Variants in DNAJC13 observed in about 807,000 individuals in gnomAD.
DNAJC13 encodes dnaJ homolog subfamily C member 13.
Under a neutral mutation model 290.5 loss-of-function variants are expected in DNAJC13, and 75 were observed. That is an observed-to-expected ratio of 0.26 (90% CI 0.21 to 0.31). DNAJC13 has a LOEUF of 0.31. Ranked by LOEUF, DNAJC13 falls within the 10% of genes least tolerant of loss-of-function variation. The probability of loss-of-function intolerance (pLI) is 1.00; values close to 1 mark genes in which losing one functional copy is unlikely to be tolerated. For synonymous variants in DNAJC13, 862 were observed against 892.0 expected, an observed-to-expected ratio of 0.97 and a Z score of 0.60; for missense variants, 2,260 against 2,674.5, an observed-to-expected ratio of 0.85 and a Z score of 3.42.
At chr3:132,463,239 A>T (rs1012508234) in intron 16 of DNAJC13, among the ~76,000 whole-genome samples, 9 of 152,242 alleles carry the variant, frequency 5.9e-5, no homozygotes, top group African/African-American at 1.9e-4. Flanking sequence ...CTGTAAATAT[A>T]TATAGGCATT....
rs754046796 is a variant in DNAJC13 at position 132,502,335 on chromosome 3, T to C, written c.4583T>C (p.Phe1528Ser). 2 of 1,614,020 alleles carry C rather than the reference T, an allele frequency of 1.2e-6. No homozygotes were observed. Among genetic ancestry groups the C allele is most frequent in the Admixed American group, 1.7e-5 (1 of 60,006 alleles). ...AALGVECVSS[F>S]AVDFWLQTHL... is the part of the protein sequence containing the mutation. Reference sequence around the variant, plus strand: ...CTTGGGGTAGAATGTGTCAGTTCTTTTGCTGTGGATTTCTGGCTACAGACA... The same window carrying C: ...CTTGGGGTAGAATGTGTCAGTTCTTCTGCTGTGGATTTCTGGCTACAGACA... The change falls in exon 40 of 56, where the codon TTT becomes TCT. Residue 1528 changes from phenylalanine (F) to serine (S), a missense_variant. Phe to Ser is a radical substitution (Grantham distance 155). Transcript: ENST00000260818.
At chr3:132,457,476 C>A in intron 13 of DNAJC13, 108 bp downstream of exon 13, 1 of 867,864 alleles carries the variant, frequency 1.2e-6, no homozygotes, top group Non-Finnish European at 1.8e-6. Flanking sequence ...GTTTCTGTTT[C>A]ATAAATTGTT....
At chr3:132,507,386 C>T in intron 43 of DNAJC13, 33 bp downstream of exon 43, 1 of 1,215,798 alleles carries the variant, frequency 8.2e-7, no homozygotes, top group South Asian at 1.2e-5. Flanking sequence ...TACCTGATAC[C>T]TTTGATCATT....
At chr3:132,431,314 T>C (rs1939232516) in intron 1 of DNAJC13, among the ~76,000 whole-genome samples, 1 of 152,030 alleles carries the variant, frequency 6.6e-6, no homozygotes, top group African/African-American at 2.4e-5. Context: ...CATTAGAATG[T>C]GGAAAGTGCT....
chr3:132,491,761 C>G (rs183987612), intron 32 of DNAJC13, among the ~76,000 whole-genome samples: 176 of 152,164 alleles, frequency 1.2e-3, no homozygotes, highest in African/African-American at 4.1e-3. Context: ...AATTACTGAC[C>G]CTCGTCAGAC....
intron 2 of DNAJC13, among the ~76,000 whole-genome samples, chr3:132,445,349 G>T (rs1933211308): frequency 6.6e-6 from 1 of 151,748 alleles, no homozygotes; most frequent in Non-Finnish European, 1.5e-5. Flanking sequence ...TTACCTAATT[G>T]GTCACGGTGT....
intron 16 of DNAJC13, among the ~76,000 whole-genome samples, chr3:132,462,944 T>TA (rs1933850981): frequency 6.6e-6 from 1 of 152,222 alleles, no homozygotes; most frequent in South Asian, 2.1e-4. Context: ...AGCATATTTG[T>TA]AATTGAGCTC....
chr3:132,425,164 C>A (rs1488574738), intron 1 of DNAJC13, among the ~76,000 whole-genome samples: 1 of 152,074 alleles, frequency 6.6e-6, no homozygotes, highest in African/African-American at 2.4e-5. Flanking sequence ...CTATCTATTA[C>A]TCTTATTAGT....
intron 54 of DNAJC13, among the ~76,000 whole-genome samples, chr3:132,530,383 A>C (rs1936383423): frequency 2.6e-5 from 4 of 152,222 alleles, no homozygotes; most frequent in Admixed American, 2.6e-4. Flanking sequence ...ATGTTTTGTC[A>C]CACAGAAATG....
At chr3:132,515,441 A>AT (rs926824620) in intron 46 of DNAJC13, among the ~76,000 whole-genome samples, 7 of 149,178 alleles carry the variant, frequency 4.7e-5, no homozygotes, top group African/African-American at 7.4e-5. Flanking sequence ...TTCCATGGAA[A>AT]TTTTTTTTTT....
At chr3:132,512,101 A>G (rs1190727153) in intron 44 of DNAJC13, among the ~76,000 whole-genome samples, 1 of 152,210 alleles carries the variant, frequency 6.6e-6, no homozygotes, top group African/African-American at 2.4e-5. Context: ...GGAGTTGTCA[A>G]AGTGTCGAAT....
At position 132,525,601 on chromosome 3, in the gene DNAJC13, C is replaced by T. The variant is rs1305363602; in HGVS notation, c.6061-9C>T. 9 of 1,612,046 alleles carry T rather than the reference C, an allele frequency of 5.6e-6. No homozygotes were observed. In the African/African-American group the frequency reaches 1.1e-4, roughly 19 times the overall value. ...TTATAGTTGATTTATTTTTGTTTTACACCTGCAGGGAGAAACTCTGGAAAC... is the reference window on the plus strand; with the variant it reads ...TTATAGTTGATTTATTTTTGTTTTATACCTGCAGGGAGAAACTCTGGAAAC... On this transcript the variant is annotated splice_polypyrimidine_tract_variant and intron_variant, in intron 51 of 55. Transcript: ENST00000260818.
intron 20 of DNAJC13, chr3:132,472,709 A>G (rs1477475038): frequency 2.4e-5 from 14 of 588,192 alleles, no homozygotes; most frequent in Admixed American, 1.9e-4. Context: ...CTTCTCCATT[A>G]GCTATTTCAA....
intron 29 of DNAJC13, among the ~76,000 whole-genome samples, chr3:132,485,366 C>T (rs1934831157): frequency 6.6e-6 from 1 of 152,106 alleles, no homozygotes; most frequent in African/African-American, 2.4e-5. Flanking sequence ...TCTCAAACTC[C>T]TGGCCTCAAA....
At chr3:132,493,300 T>C (rs1254889559) in intron 33 of DNAJC13, among the ~76,000 whole-genome samples, 4 of 152,060 alleles carry the variant, frequency 2.6e-5, no homozygotes, top group Non-Finnish European at 5.9e-5. Flanking sequence ...GTGGAACTTA[T>C]ACCATTATTA....
intron 1 of DNAJC13, among the ~76,000 whole-genome samples, chr3:132,432,793 C>T (rs1939276233): frequency 6.6e-6 from 1 of 152,184 alleles, no homozygotes; most frequent in African/African-American, 2.4e-5. Context: ...TGTTAGGAGG[C>T]TGATTCCACG....
chr3:132,456,625 G>T (rs1240322557), intron 11 of DNAJC13, 38 bp from the exon 12 acceptor site: 2 of 1,612,968 alleles, frequency 1.2e-6, no homozygotes, highest in Non-Finnish European at 1.7e-6. Flanking sequence ...CTAACTTTTG[G>T]TATGGAAACT....
At chr3:132,431,291 A>G (rs955488011) in intron 1 of DNAJC13, among the ~76,000 whole-genome samples, 1 of 152,210 alleles carries the variant, frequency 6.6e-6, no homozygotes, top group African/African-American at 2.4e-5. Context: ...AATTAGGTGA[A>G]TAATAAATTG....
chr3:132,532,074 T>C (rs1327921288), intron 55 of DNAJC13, among the ~76,000 whole-genome samples: 4 of 152,230 alleles, frequency 2.6e-5, no homozygotes. Context: ...ATAAAAGTTC[T>C]TAATTTGAAA....
Sources: allele counts gnomAD v4.1 joint callset (sites outside exome capture counted in the v4.1 genomes callset), GRCh38; gene constraint gnomAD v4.1.1; transcripts MANE v1.5; gene names NCBI Gene and HGNC (gene_info 2026-07-23, HGNC 2026-07-21).